Variants in SVEP1 observed in about 807,000 individuals in gnomAD.
SVEP1 encodes sushi, von Willebrand factor type A, EGF and pentraxin domain-containing protein 1.
Under a neutral mutation model 367.3 loss-of-function variants are expected in SVEP1, and 164 were observed. That is an observed-to-expected ratio of 0.45 (90% CI 0.39 to 0.51). The LOEUF (loss-of-function observed/expected upper bound fraction) is 0.51. Ranked by LOEUF, SVEP1 falls within the 20% of genes least tolerant of loss-of-function variation. The pLI is 0.00. For missense variants in SVEP1, 4,117 were observed against 4,425.3 expected, an observed-to-expected ratio of 0.93 and a Z score of 1.98; for synonymous variants, 1,666 against 1,611.6, an observed-to-expected ratio of 1.03 and a Z score of -0.81.
intron 40 of SVEP1, among the ~76,000 whole-genome samples, chr9:110,399,617 T>C (rs969586303): frequency 3.3e-5 from 5 of 152,168 alleles, no homozygotes; most frequent in African/African-American, 1.2e-4. Context: ...CACTGCAACC[T>C]CTGCCTCCTG....
intron 3 of SVEP1, among the ~76,000 whole-genome samples, chr9:110,535,547 G>A (rs1217280803): frequency 2.0e-5 from 3 of 152,012 alleles, no homozygotes; most frequent in Admixed American, 6.6e-5. Flanking sequence ...GTTCTGTCAT[G>A]AATGTTATTG....
rs777116995 is a variant in SVEP1 at position 110,446,009 on chromosome 9, C to G, written c.4291G>C (p.Glu1431Gln). 2.5e-6 allele frequency: 4 copies of G among 1,613,380 alleles called. No homozygotes were observed. The highest frequency in any genetic ancestry group is 3.4e-6 in the Non-Finnish European group (4 of 1,179,598). ...ACATATCCATAGATGCCAGAAACTTCAAAATCCAGGTTAAAGCCTGTAGAC... is the reference window on the plus strand; with the variant it reads ...ACATATCCATAGATGCCAGAAACTTGAAAATCCAGGTTAAAGCCTGTAGAC... Reference protein sequence around the residue: ...EQSTGFNLDFEVSGIYGYVML... With the variant: ...EQSTGFNLDFQVSGIYGYVML... Residue 1431 changes from glutamate (E) to glutamine (Q), a missense_variant, in exon 26 of 48, where the codon GAA (glutamate) becomes CAA (glutamine). By Grantham distance (29) the Glu-to-Gln change is conservative (BLOSUM62 2). This residue lies in a region of SVEP1 where 2,174 missense variants were observed against 2,494.3 expected (regional missense o/e 0.87). Transcript: ENST00000374469.
At chr9:110,472,955 T>A (rs1403811604) in intron 14 of SVEP1, among the ~76,000 whole-genome samples, 1 of 152,198 alleles carries the variant, frequency 6.6e-6, no homozygotes, top group Non-Finnish European at 1.5e-5. Flanking sequence ...GGCTGCTGTA[T>A]AATCTTAGTC....
chr9:110,499,352 G>C, intron 6 of SVEP1, 114 bp from the exon 7 acceptor site: 2 of 934,368 alleles, frequency 2.1e-6, no homozygotes, highest in Non-Finnish European at 3.2e-6. Context: ...TACGTAAATT[G>C]CTAAATGATA....
At chr9:110,556,244 C>T (rs1830356010) in intron 1 of SVEP1, among the ~76,000 whole-genome samples, 1 of 152,104 alleles carries the variant, frequency 6.6e-6, no homozygotes, top group Admixed American at 6.6e-5. Flanking sequence ...AGATCCATCA[C>T]CATTACACAA....
At chr9:110,399,167 G>GAA (rs1827818012) in intron 40 of SVEP1, among the ~76,000 whole-genome samples, 2 of 152,220 alleles carry the variant, frequency 1.3e-5, no homozygotes, top group South Asian at 4.2e-4. Context: ...ATGCAGCCAT[G>GAA]AAAAATGATG....
At chr9:110,371,370 A>G (rs1827273583) in intron 46 of SVEP1, among the ~76,000 whole-genome samples, 1 of 151,952 alleles carries the variant, frequency 6.6e-6, no homozygotes, top group Non-Finnish European at 1.5e-5. Context: ...CTTCCCTATC[A>G]CGTCGGTGGT....
At chr9:110,548,804 G>A (rs1830249549) in intron 2 of SVEP1, among the ~76,000 whole-genome samples, 1 of 152,210 alleles carries the variant, frequency 6.6e-6, no homozygotes, top group Non-Finnish European at 1.5e-5. Context: ...CAAAAACTTT[G>A]GCCAGCATCA....
At chr9:110,478,879 T>G (rs1829141458) in intron 13 of SVEP1, among the ~76,000 whole-genome samples, 1 of 152,036 alleles carries the variant, frequency 6.6e-6, no homozygotes, top group Non-Finnish European at 1.5e-5. Flanking sequence ...GCCTTGAAGA[T>G]GTTCAATACA....
At chr9:110,378,672 C>T (rs1827387711) in intron 44 of SVEP1, among the ~76,000 whole-genome samples, 1 of 149,218 alleles carries the variant, frequency 6.7e-6, no homozygotes, top group South Asian at 2.1e-4. Flanking sequence ...AAGTCCTTGC[C>T]CATGCCTAAG....
At position 110,403,355 on chromosome 9, in the gene SVEP1, A is replaced by T. The variant is rs1011416080; in HGVS notation, c.9666+972T>A. ...GAGTATTGCTCTGTTGCCAGGCTGG[A>T]GTGCAGTGGCGCAATCTCGGTTCAC... On this transcript the variant is annotated intron_variant, in intron 39 of 47. Coordinates refer to ENST00000374469, the MANE Select transcript of SVEP1 (RefSeq NM_153366.4). Among the ~76,000 whole-genome samples the T allele has an allele frequency of 3.6e-5, 4 of 112,460 alleles. No homozygotes were observed. The East Asian group carries it at 1.2e-3, about 35-fold the overall frequency. 73.8% of individuals were successfully genotyped at this position (112,460 alleles called of 152,430 possible).
chr9:110,542,829 G>C (rs529336915), intron 3 of SVEP1, among the ~76,000 whole-genome samples: 3 of 125,164 alleles, frequency 2.4e-5, no homozygotes, highest in Non-Finnish European at 4.9e-5. Context: ...TTTTGGGGAG[G>C]GGGGAGGGAT....
At chr9:110,463,002 A>C (rs1382084144) in intron 18 of SVEP1, among the ~76,000 whole-genome samples, 1 of 152,098 alleles carries the variant, frequency 6.6e-6, no homozygotes, top group East Asian at 1.9e-4. Context: ...ACTATGTGAG[A>C]TGATGTATAT....
chr9:110,529,302 A>T (rs1829986354), intron 3 of SVEP1, among the ~76,000 whole-genome samples: 1 of 152,104 alleles, frequency 6.6e-6, no homozygotes. Context: ...GAAGTTGAGT[A>T]ATGTGATGCC....
At chr9:110,483,772 G>A (rs1829235290) in intron 9 of SVEP1, 79 bp from the exon 10 acceptor site, 7 of 1,082,882 alleles carry the variant, frequency 6.5e-6, no homozygotes, top group East Asian at 3.0e-5. Context: ...GAGAACTGAA[G>A]TCGGCTTGTG....
intron 1 of SVEP1, among the ~76,000 whole-genome samples, chr9:110,574,043 G>A (rs1454558424): frequency 1.3e-5 from 2 of 152,168 alleles, no homozygotes; most frequent in East Asian, 1.9e-4. Flanking sequence ...ACTACCCCTC[G>A]AGTTGTCCAA....
Position 110,448,148 on chromosome 9 carries a change from T to TAC in SVEP1, c.4104-1092_4104-1091insGT, listed in dbSNP as rs1828633543. Reference sequence around the variant, plus strand: ...AAGTGAATGTGTGTGTGTGTGTGTGTGCGCGTGTGTGTGTGCGCGCGCTCG... The same window carrying TAC: ...AAGTGAATGTGTGTGTGTGTGTGTGTACGCGCGTGTGTGTGTGCGCGCGCTCG... On this transcript the variant is annotated intron_variant, in intron 24 of 47. Coordinates refer to ENST00000374469, the MANE Select transcript of SVEP1 (RefSeq NM_153366.4). 5.8e-5 allele frequency among the ~76,000 whole-genome samples: 4 copies of TAC among 69,438 alleles called. No homozygotes were observed. The South Asian group carries it at 2.0e-3, about 34-fold the overall frequency. The allele number at this position is 69,438 out of a possible 152,430, so 45.6% of individuals were successfully genotyped here.
At chr9:110,465,826 T>C in intron 18 of SVEP1, 39 bp downstream of exon 18, 1 of 1,594,202 alleles carries the variant, frequency 6.3e-7, no homozygotes, top group South Asian at 1.1e-5. Context: ...TAGAACCTAG[T>C]AGGTTTAAAG....
chr9:110,507,202 A>G (rs1829638918), intron 5 of SVEP1, among the ~76,000 whole-genome samples: 1 of 152,212 alleles, frequency 6.6e-6, no homozygotes. Flanking sequence ...TCTTATAACA[A>G]TCTCTAAAGA....
Sources: gnomAD v4.1 joint callset for allele counts (sites outside exome capture counted in the v4.1 genomes callset) on GRCh38, gnomAD v4.1.1 for gene constraint, gnomAD v4.1.1 regional missense constraint, MANE v1.5 for transcripts, NCBI Gene and HGNC (gene_info 2026-07-23, HGNC 2026-07-21) for gene names.